Variants in ATAD2 observed in about 807,000 individuals in gnomAD.
ATAD2 encodes ATPase family AAA domain-containing protein 2.
A neutral mutation model predicts 168.9 loss-of-function variants in ATAD2; 62 were observed. The ratio of observed to expected loss-of-function variants is 0.37; its 90% CI spans 0.30 to 0.45. The LOEUF is 0.45. Among genes scored for constraint, ATAD2 ranks in the 20% least tolerant of loss-of-function variants. The probability of loss-of-function intolerance (pLI) is 1.00; values close to 1 mark genes in which losing one functional copy is unlikely to be tolerated. For missense variants in ATAD2, 1,419 were observed against 1,667.8 expected, an observed-to-expected ratio of 0.85 and a Z score of 2.60; for synonymous variants, 613 against 571.6, an observed-to-expected ratio of 1.07 and a Z score of -1.03.
chr8:123,360,978 C>A (rs1828800808), intron 9 of ATAD2, among the ~76,000 whole-genome samples: 1 of 151,158 alleles, frequency 6.6e-6, no homozygotes, highest in South Asian at 2.1e-4. Flanking sequence ...AGGTTATTTC[C>A]TTAAGTCACT....
chr8:123,413,231 C>A (rs1026325756), intron 1 of ATAD2, among the ~76,000 whole-genome samples: 7 of 149,770 alleles, frequency 4.7e-5, no homozygotes, highest in Admixed American at 2.0e-4. Context: ...AGCGCCCCCC[C>A]CCCCCCAACT....
intron 2 of ATAD2, among the ~76,000 whole-genome samples, chr8:123,377,533 A>G (rs1388617559): frequency 1.3e-5 from 2 of 152,214 alleles, no homozygotes; most frequent in Non-Finnish European, 2.9e-5. Context: ...AAGTTCATCT[A>G]TAAGTTTTAT....
chr8:123,401,806 A>G, intron 1 of ATAD2: 1 of 755,842 alleles, frequency 1.3e-6, no homozygotes. Context: ...ACTGGGGCAC[A>G]GGCTTGCTGG....
intron 25 of ATAD2, among the ~76,000 whole-genome samples, chr8:123,326,535 G>A (rs1400467909): frequency 6.6e-6 from 1 of 151,938 alleles, no homozygotes; most frequent in African/African-American, 2.4e-5. Flanking sequence ...AAAATTAGCT[G>A]CGCATGGTGG....
Position 123,396,292 on chromosome 8 carries a change from C to T in ATAD2, c.66G>A (p.Leu22=). The T allele has an allele frequency of 6.2e-7, 1 of 1,610,994 alleles. No homozygotes were observed. Among genetic ancestry groups the T allele is most frequent in the African/African-American group, 1.3e-5 (1 of 74,950 alleles). Residue 22 remains leucine, a synonymous_variant, in exon 1 of 28, where the codon TTG becomes TTA. Coordinates refer to ENST00000287394, the MANE Select transcript of ATAD2 (RefSeq NM_014109.4). ...GACTGAGGAAGTCACTGGACAGGTC[C>T]AAGGAGCCCGTGGCCGAGGCCGCGG... is the stretch of plus-strand genomic sequence containing the variant. ...NHSAASATGS[L]DLSSDFLSLE...
intron 1 of ATAD2, among the ~76,000 whole-genome samples, chr8:123,409,359 T>TA (rs1424948077): frequency 1.3e-5 from 2 of 152,210 alleles, no homozygotes; most frequent in African/African-American, 2.4e-5. Context: ...TGAGTTCACA[T>TA]AGTACATTGC....
chr8:123,321,345 C>T (rs900840334), intron 27 of ATAD2, among the ~76,000 whole-genome samples, 170 bp from the exon 28 acceptor site: 8 of 151,334 alleles, frequency 5.3e-5, no homozygotes, highest in African/African-American at 2.0e-4. Flanking sequence ...ATAGATTTTA[C>T]CTGTAGGACT....
intron 19 of ATAD2, chr8:123,344,474 T>G: frequency 5.9e-6 from 1 of 168,948 alleles, no homozygotes; most frequent in Non-Finnish European, 1.3e-5. Context: ...GTCTCCCGAG[T>G]AGCTGGGACT....
chr8:123,339,416 C>T lies in ATAD2; in HGVS notation c.2749G>A (p.Glu917Lys). 1.3e-6 allele frequency: 2 copies of T among 1,597,022 alleles called. No individual in the cohort carries two copies. Among genetic ancestry groups the T allele is most frequent in the Non-Finnish European group, 1.7e-6 (2 of 1,172,340 alleles). Residue 917 changes from glutamate to lysine, a missense_variant, in exon 20 of 28, where the codon GAG (glutamate) becomes AAG (lysine). Around this residue, in one of 5 missense-constraint regions of ATAD2, gnomAD observed 545 missense variants for 724.9 expected, o/e 0.75. Transcript: ENST00000287394. Reference protein sequence around the residue: ...VQELFIRDYGEIFNVQLPDKE... With the variant: ...VQELFIRDYGKIFNVQLPDKE... ...TCCGGTAACTGGACATTAAAAATCT[C>T]TCCATAATCACGGATAAACAATTCT...
chr8:123,329,981 C>CTTTTTTTTTTTTTT lies in ATAD2; in HGVS notation c.3479-1416_3479-1403dup, dbSNP rs71310666. Among the ~76,000 whole-genome samples, 77 of 100,302 alleles carry CTTTTTTTTTTTTTT rather than the reference C, an allele frequency of 7.7e-4. 1 individual carries two copies. Among genetic ancestry groups the CTTTTTTTTTTTTTT allele is most frequent in the African/African-American group, 2.6e-3 (73 of 27,586 alleles). The allele number at this position is 100,302 out of a possible 152,430, so 65.8% of individuals were successfully genotyped here. ...AGATTACCTTTCTCCCCAGTGGCTT[C>CTTTTTTTTTTTTTT]TTTTTTTTTTTTTTTTTTTTTTTTG... On this transcript the variant is annotated intron_variant, in intron 24 of 27. Transcript: ENST00000287394.
At chr8:123,339,037 A>AG (rs1300698653) in intron 20 of ATAD2, among the ~76,000 whole-genome samples, 1 of 152,206 alleles carries the variant, frequency 6.6e-6, no homozygotes, top group East Asian at 1.9e-4. Context: ...GTGTTTTATG[A>AG]GAAAAAAAAT....
At chr8:123,400,088 C>T (rs748318275), upstream of ATAD2, among the ~76,000 whole-genome samples, 1 of 151,534 alleles carries the variant, frequency 6.6e-6, no homozygotes, top group African/African-American at 2.4e-5. The surrounding 1 kb of genome is among the most constrained non-coding windows in gnomAD (Gnocchi z 4.5). Context: ...TGCTTGAACC[C>T]GTGAGGCAGA....
At chr8:123,355,668 G>A (rs1356272086) in intron 13 of ATAD2, among the ~76,000 whole-genome samples, 3 of 152,094 alleles carry the variant, frequency 2.0e-5, no homozygotes, top group African/African-American at 7.2e-5. Flanking sequence ...TTGACAATTT[G>A]AACATAAAAT....
chr8:123,334,760 A>G lies in ATAD2; in HGVS notation c.3212-438T>C, dbSNP rs1827868303. Reference sequence around the variant, plus strand: ...CAATGAAAAAGCAACCCTCCACAGGAAACACTGGGAAAATCCTAAGCTCAG... The same window carrying G: ...CAATGAAAAAGCAACCCTCCACAGGGAACACTGGGAAAATCCTAAGCTCAG... On this transcript the variant is annotated intron_variant, in intron 22 of 27. Coordinates refer to ENST00000287394, the MANE Select transcript of ATAD2 (RefSeq NM_014109.4). 1.3e-5 allele frequency among the ~76,000 whole-genome samples: 2 copies of G among 152,224 alleles called. 1 individual carries two copies. The highest frequency in any genetic ancestry group is 1.3e-4 in the Admixed American group (2 of 15,270).
intron 1 of ATAD2, among the ~76,000 whole-genome samples, chr8:123,389,411 G>A (rs552434525): frequency 3.3e-5 from 5 of 149,796 alleles, no homozygotes; most frequent in Admixed American, 2.0e-4. Flanking sequence ...AGGCCAAGGC[G>A]GGCGGATCAC....
chr8:123,386,541 T>C (rs1190428686), intron 1 of ATAD2, among the ~76,000 whole-genome samples: 1 of 152,126 alleles, frequency 6.6e-6, no homozygotes, highest in African/African-American at 2.4e-5. Context: ...GTTTAATGGG[T>C]ACAGAGTTTC....
chr8:123,343,902 T>C (rs1828146507), intron 19 of ATAD2, among the ~76,000 whole-genome samples: 1 of 152,236 alleles, frequency 6.6e-6, no homozygotes, highest in South Asian at 2.1e-4. Flanking sequence ...TAAAAAATGA[T>C]GACAGGCAAG....
intron 1 of ATAD2, among the ~76,000 whole-genome samples, chr8:123,413,028 A>AAG (rs1195099052): frequency 2.0e-5 from 3 of 152,298 alleles, no homozygotes; most frequent in African/African-American, 7.2e-5. Flanking sequence ...CTTACAACTC[A>AAG]GAAGTCCTTC....
Position 123,321,141 on chromosome 8 carries a change from G to C in ATAD2, c.4166C>G (p.Ser1389Cys), listed in dbSNP as rs1238205232. 1.2e-6 allele frequency: 2 copies of C among 1,608,782 alleles called. No homozygotes were observed. The highest frequency in any genetic ancestry group is 2.2e-5 in the East Asian group (1 of 44,552). ...MEQEVENFSCSR is the reference protein window; with the variant it reads ...MEQEVENFSCCR ...CTCGATACCATGACATCATCATCTGGAACAACTGAAGTTTTCTACCTCTTG... is the reference window on the plus strand; with the variant it reads ...CTCGATACCATGACATCATCATCTGCAACAACTGAAGTTTTCTACCTCTTG... Residue 1389 changes from serine (S) to cysteine (C), a missense_variant, in exon 28 of 28, where the codon TCC becomes TGC. By Grantham distance (112) the Ser-to-Cys change is moderately radical (BLOSUM62 -1). This residue lies in a region of ATAD2 where 303 missense variants were observed against 304.3 expected (regional missense o/e 1.00). Transcript: ENST00000287394.
Sources: allele counts gnomAD v4.1 joint callset (sites outside exome capture counted in the v4.1 genomes callset), GRCh38; gene constraint gnomAD v4.1.1; regional missense constraint gnomAD v4.1.1; non-coding constraint Gnocchi (gnomAD v3.1); transcripts MANE v1.5; gene names NCBI Gene and HGNC (gene_info 2026-07-23, HGNC 2026-07-21).